The following IL12RB1 variants were observed in gnomAD, a reference collection of about 807,000 sequenced individuals.
IL12RB1 encodes the protein interleukin 12 receptor subunit beta 1, also known as interleukin-12 receptor subunit beta-1.
In IL12RB1, 64 loss-of-function variants were observed where a neutral mutation model predicts 94.4. The ratio of observed to expected loss-of-function variants is 0.68; its 90% confidence interval spans 0.55 to 0.83. The LOEUF (loss-of-function observed/expected upper bound fraction) is 0.83, where lower values mean the gene tolerates loss of function less well. IL12RB1 is among the 40% of genes least tolerant of loss of function. The pLI, the probability that IL12RB1 is intolerant of heterozygous loss-of-function variation, is 0.00. For synonymous variants in IL12RB1, 362 were observed against 355.5 expected (o/e 1.02, Z -0.21); for missense variants, 814 against 855.6 (o/e 0.95, Z 0.61).
intron 1 of IL12RB1, among the ~76,000 whole-genome samples, chr19:18,096,961 A>G (rs1158454953): frequency 6.6e-6 from 1 of 152,168 alleles, no homozygotes; most frequent in Admixed American, 6.6e-5. Context: ...CCTGGGCAAC[A>G]TAGTGAGATC....
intron 9 of IL12RB1, 111 bp downstream of exon 9, chr19:18,072,001 C>A: frequency 2.6e-6 from 2 of 764,820 alleles, no homozygotes; most frequent in Admixed American, 1.9e-5. Context: ...AAATCAGGCA[C>A]TCCTTTAAAA....
At position 18,073,611 on chromosome 19, in the gene IL12RB1, A is replaced by C; in HGVS notation, c.701-12T>G. On this transcript the variant is annotated splice_polypyrimidine_tract_variant and intron_variant, in intron 7 of 16. Transcript: ENST00000593993. ...CTGTGGGGGGTTTTCTGCAATCAGA[A>C]CCAAACCAACTAGACGAATTGGAAG... The C allele has an allele frequency of 6.5e-7, 1 of 1,547,146 alleles. No homozygotes were observed.
chr19:18,084,687 ATC>A (rs1160101011), intron 1 of IL12RB1, among the ~76,000 whole-genome samples: 5,822 of 150,008 alleles, frequency 0.039, 403 homozygotes, highest in African/African-American at 0.14. Flanking sequence ...CCATCCATCC[ATC>A]CATCCATCCA....
rs185667328 is a variant in IL12RB1 at position 18,076,392 on chromosome 19, C to G, written c.550-65G>C. On this transcript the variant is annotated intron_variant, in intron 5 of 16. Transcript: ENST00000593993. ...GTGCTGAAAAATATTTGCTGTTTTA[C>G]AATTAGTTATTTATTTACTTATTTA... 36 of 820,762 alleles carry G rather than the reference C, an allele frequency of 4.4e-5. No individual in the cohort carries two copies. The African/African-American group carries it at 5.0e-4, about 11-fold the overall frequency. 50.8% of individuals were successfully genotyped at this position (820,762 alleles called of 1,614,324 possible).
intron 1 of IL12RB1, among the ~76,000 whole-genome samples, chr19:18,084,585 C>A (rs1344257009): frequency 6.6e-6 from 1 of 151,914 alleles, no homozygotes; most frequent in Non-Finnish European, 1.5e-5. Context: ...ATCTATCCAT[C>A]TATCCATCCA....
chr19:18,061,073 A>T, intron 15 of IL12RB1, 49 bp downstream of exon 15: 2 of 957,160 alleles, frequency 2.1e-6, no homozygotes, highest in Non-Finnish European at 3.3e-6. Context: ...ACCCTTGTCC[A>T]GCATGTGCAC....
chr19:18,071,127 C>T (rs2035004210), intron 9 of IL12RB1: 1 of 308,096 alleles, frequency 3.2e-6, no homozygotes, highest in Admixed American at 4.7e-5. Flanking sequence ...AATCCCAACA[C>T]TTTGGGAGGC....
upstream of IL12RB1, chr19:18,087,086 G>A (rs1012983587): frequency 3.2e-6 from 2 of 617,740 alleles, no homozygotes; most frequent in East Asian, 3.0e-5. Flanking sequence ...AGCAAGTCAG[G>A]GTTCTAGGGG....
chr19:18,069,884 G>A (rs1226791742), intron 9 of IL12RB1, among the ~76,000 whole-genome samples, 171 bp from the exon 10 acceptor site: 2 of 152,120 alleles, frequency 1.3e-5, no homozygotes, highest in Non-Finnish European at 2.9e-5. Context: ...CTTGGGGCCA[G>A]GCACAAAGTG....
intron 1 of IL12RB1, among the ~76,000 whole-genome samples, chr19:18,085,157 C>A (rs1404081991): frequency 6.6e-6 from 1 of 152,148 alleles, no homozygotes; most frequent in African/African-American, 2.4e-5. Context: ...AGGAAGACCC[C>A]GGCGCCCTCA....
intron 7 of IL12RB1, among the ~76,000 whole-genome samples, chr19:18,075,532 A>T (rs2035407549): frequency 6.6e-6 from 1 of 152,062 alleles, no homozygotes; most frequent in Non-Finnish European, 1.5e-5. Flanking sequence ...AAGTGCTGGG[A>T]TTACAGGCAT....
rs150165826 is a variant in IL12RB1, at chr19:18,095,524, G to A, written c.-230+3231C>T. Among the ~76,000 whole-genome samples, 552 of 152,276 alleles carry A rather than the reference G, an allele frequency of 3.6e-3. 4 individuals carry two copies. Among genetic ancestry groups the A allele is most frequent in the Middle Eastern group, 0.017 (5 of 294 alleles). On this transcript the variant is annotated intron_variant, in intron 1 of 4. Coordinates refer to the IL12RB1 transcript ENST00000594176. The stretch of plus-strand genomic sequence containing the variant: ...TGGTAGTTGCCAGGGGCTGAGAGAG[G>A]GGGAATGAGGACTGGCTGCTAATAG...
intron 13 of IL12RB1, among the ~76,000 whole-genome samples, chr19:18,062,745 C>T (rs912050215): frequency 6.6e-6 from 1 of 151,574 alleles, no homozygotes; most frequent in African/African-American, 2.4e-5. Context: ...GCATTCCAGC[C>T]TCGGCAATAA....
At chr19:18,074,209 G>A (rs370362784) in intron 7 of IL12RB1, among the ~76,000 whole-genome samples, 52 of 151,980 alleles carry the variant, frequency 3.4e-4, no homozygotes, top group African/African-American at 1.2e-3. Flanking sequence ...ACAGAGTCTC[G>A]TTTTGATTCC....
intron 15 of IL12RB1, among the ~76,000 whole-genome samples, chr19:18,060,833 G>T (rs1213757097): frequency 6.6e-6 from 1 of 152,066 alleles, no homozygotes; most frequent in African/African-American, 2.4e-5. Flanking sequence ...ACCCTGAACG[G>T]GCAGCTCCGA....
At chr19:18,069,971 A>G (rs1306267242) in intron 9 of IL12RB1, among the ~76,000 whole-genome samples, 1 of 151,960 alleles carries the variant, frequency 6.6e-6, no homozygotes, top group Non-Finnish European at 1.5e-5. Flanking sequence ...GCTGGAGTGC[A>G]GTGGCATGAT....
At position 18,097,875 on chromosome 19, in the gene IL12RB1, A is replaced by C. The variant is rs1479422107; in HGVS notation, c.-230+880T>G. On this transcript the variant is annotated intron_variant, in intron 1 of 4. Coordinates refer to the IL12RB1 transcript ENST00000594176. ...CGGGCGGAAGGCAGAGGGCGCGGCC[A>C]AGTGGACGCGGCCTGAAAGGTGCCG... The C allele has an allele frequency of 4.1e-6, 5 of 1,218,846 alleles. No individual in the cohort carries two copies. The East Asian group carries it at 1.6e-4, about 39-fold the overall frequency. 75.5% of individuals were successfully genotyped at this position (1,218,846 alleles called of 1,614,324 possible).
intron 1 of IL12RB1, among the ~76,000 whole-genome samples, chr19:18,084,210 T>C (rs1030974981): frequency 2.7e-5 from 4 of 150,064 alleles, no homozygotes; most frequent in Non-Finnish European, 5.9e-5. Flanking sequence ...TATTCATACA[T>C]CCATCCATCC....
chr19:18,076,227 GC>G, intron 6 of IL12RB1, 69 bp downstream of exon 6: 3 of 815,732 alleles, frequency 3.7e-6, no homozygotes, highest in Non-Finnish European at 6.6e-6. Context: ...ATTGGACCTG[GC>G]ATACAGTAGG....
Sources: gnomAD v4.1 joint callset for allele counts (sites outside exome capture counted in the v4.1 genomes callset) on GRCh38, gnomAD v4.1.1 for gene constraint, MANE v1.5 for transcripts, NCBI Gene and HGNC (gene_info 2026-07-23, HGNC 2026-07-21) for gene names.